The following CEP350 variants were observed in gnomAD, a reference collection of about 807,000 sequenced individuals.
CEP350 encodes the protein centrosome-associated protein 350.
Under a neutral mutation model 331.8 loss-of-function variants are expected in CEP350, and 126 were observed. That is an observed-to-expected ratio of 0.38 (90% CI 0.33 to 0.44). CEP350 has a LOEUF of 0.44. Ranked by LOEUF, CEP350 falls within the 20% of genes least tolerant of loss-of-function variation. The pLI is 1.00. For missense variants in CEP350, 3,406 were observed against 3,634.6 expected (o/e 0.94, Z 1.62); for synonymous variants, 1,200 against 1,259.5 (o/e 0.95, Z 1.00).
intron 14 of CEP350, among the ~76,000 whole-genome samples, chr1:180,028,254 A>C (rs574647569): frequency 1.3e-5 from 2 of 152,340 alleles, no homozygotes; most frequent in East Asian, 3.9e-4. Flanking sequence ...TGTAGTATGA[A>C]GCATTTTCCA....
In CEP350 at chr1:179,975,388, T is replaced by G. The variant is rs904040262; in HGVS notation, c.-13-10781T>G. Among the ~76,000 whole-genome samples the G allele has an allele frequency of 4.6e-5, 7 of 152,158 alleles. 1 individual carries two copies. The South Asian group carries it at 1.5e-3, about 32-fold the overall frequency. The stretch of plus-strand genomic sequence containing the variant: ...ATAAAATCAGAATTGCTAGGTTCTG[T>G]TTTAGAACGATAACTTTGATTGCAG... On this transcript the variant is annotated intron_variant, in intron 1 of 37. Transcript: ENST00000367607.
In CEP350 at chr1:180,034,066, C is replaced by T. The variant is rs1428897179; in HGVS notation, c.3930C>T (p.Asn1310=). 2.0e-5 allele frequency: 33 copies of T among 1,613,640 alleles called. No individual in the cohort carries two copies. Among genetic ancestry groups the T allele is most frequent in the Non-Finnish European group, 2.8e-5 (33 of 1,179,682 alleles). ...CAGCCAGCAGAACAACGACAGAGAA[C>T]ATGGCTCCAATACCAGGTAAGTAGA... The part of the protein sequence containing the change: ...NPAASRTTTE[N]MAPIPGSKRF... The change falls in exon 16 of 38, where the codon AAC becomes AAT. Residue 1310 remains asparagine, a synonymous_variant. Transcript: ENST00000367607.
At position 180,020,902 on chromosome 1, in the gene CEP350, G is replaced by A. The variant is rs779634183; in HGVS notation, c.3128G>A (p.Gly1043Glu). 6.2e-7 allele frequency: 1 copy of A among 1,613,072 alleles called. No individual in the cohort carries two copies. Among genetic ancestry groups the A allele is most frequent in the South Asian group, 1.1e-5 (1 of 91,068 alleles). ...KEAEKFLPLF[G>E]HIGGTQSKGP... ...GCTGAAAAATTCTTGCCACTTTTTG[G>A]GCACATAGGTGGTACACAAAGCAAA... is the stretch of plus-strand genomic sequence containing the variant. The change falls in exon 12 of 38, where the codon GGG (glycine) becomes GAG (glutamate). Residue 1043 changes from glycine (G) to glutamate (E), a missense_variant. Around this residue, in one of 5 missense-constraint regions of CEP350, gnomAD observed 1,857 missense variants for 1,909.2 expected, o/e 0.97. Transcript: ENST00000367607.
Position 180,035,175 on chromosome 1 carries a change from T to G in CEP350, c.3946+1093T>G, listed in dbSNP as rs530196179. On this transcript the variant is annotated intron_variant, in intron 16 of 37. Transcript: ENST00000367607. ...AGCAAGACCCTAATACTCTTCAATTTTGTGAAGCCCTAGAGAGGTGAGGAA... is the reference window on the plus strand; with the variant it reads ...AGCAAGACCCTAATACTCTTCAATTGTGTGAAGCCCTAGAGAGGTGAGGAA... Among the ~76,000 whole-genome samples the G allele has an allele frequency of 4.3e-4, 66 of 152,338 alleles. 1 individual carries two copies. The highest frequency in any genetic ancestry group is 3.7e-3 in the South Asian group (18 of 4,828).
chr1:180,047,944 G>T (rs1222542580), intron 21 of CEP350, among the ~76,000 whole-genome samples: 1 of 151,914 alleles, frequency 6.6e-6, no homozygotes, highest in East Asian at 1.9e-4. Flanking sequence ...ATTTAATTTT[G>T]ACATGATTTC....
chr1:180,056,476 CTT>C (rs1276828783), intron 25 of CEP350, among the ~76,000 whole-genome samples: 24 of 101,692 alleles, frequency 2.4e-4, no homozygotes, highest in African/African-American at 9.2e-4. Flanking sequence ...CCCCCCCCCC[CTT>C]TTTTTTTTTG....
In CEP350 at chr1:179,996,715, ATC is replaced by A. The variant is rs770098443; in HGVS notation, c.560_561del (p.Ser187CysfsTer4). 1 of 1,613,580 alleles carries A rather than the reference ATC, an allele frequency of 6.2e-7. No homozygotes were observed. Among genetic ancestry groups the A allele is most frequent in the African/African-American group, 1.3e-5 (1 of 74,928 alleles). ...GCTGTGATTTTGAGAGCTCCCAATC[ATC>A]TGTCATCAATGATACAGTTGTTAGG... ...RSCDFESSQS[S>X]VINDTVVRFL... On this transcript the variant is annotated frameshift_variant, in exon 6 of 38. Transcript: ENST00000367607. LOFTEE classifies it high-confidence loss of function.
intron 29 of CEP350, 111 bp downstream of exon 29, chr1:180,078,785 T>C (rs1402704288): frequency 1.2e-6 from 1 of 851,132 alleles, no homozygotes; most frequent in Non-Finnish European, 1.8e-6. Flanking sequence ...ACCATACTTG[T>C]AACATATAGG....
intron 5 of CEP350, among the ~76,000 whole-genome samples, chr1:179,992,828 A>G (rs1653190859): frequency 6.6e-6 from 1 of 152,184 alleles, no homozygotes; most frequent in East Asian, 1.9e-4. Context: ...TATTTGAGGG[A>G]CACTTTACTA....
In CEP350 at chr1:180,101,286, ATT is replaced by A. The variant is rs368037580; in HGVS notation, c.9189+2311_9189+2312del. On this transcript the variant is annotated intron_variant, in intron 37 of 37. Coordinates refer to ENST00000367607, the MANE Select transcript of CEP350 (RefSeq NM_014810.5). ...TTTTTGCATGAGCTCGTTCTTCTTAATTTTTTTTTTTAACAAAATGATACTGT... is the reference window on the plus strand; with the variant it reads ...TTTTTGCATGAGCTCGTTCTTCTTAATTTTTTTTTAACAAAATGATACTGT... Among the ~76,000 whole-genome samples, 816 of 148,636 alleles carry A rather than the reference ATT, an allele frequency of 5.5e-3. 12 individuals are homozygous for A. The highest frequency in any genetic ancestry group is 0.019 in the African/African-American group (763 of 40,764).
intron 27 of CEP350, among the ~76,000 whole-genome samples, chr1:180,067,337 T>C (rs1658602532): frequency 1.3e-5 from 2 of 152,130 alleles, no homozygotes; most frequent in Non-Finnish European, 2.9e-5. Context: ...ATTGTGTTTG[T>C]GATAGGAATA....
Position 180,041,782 on chromosome 1 carries a change from G to A in CEP350, c.4342G>A (p.Ala1448Thr), listed in dbSNP as rs983734486. The A allele has an allele frequency of 3.7e-6, 6 of 1,612,332 alleles. No individual in the cohort carries two copies. The highest frequency in any genetic ancestry group is 2.7e-5 in the African/African-American group (2 of 74,996). The change falls in exon 19 of 38, where the codon GCA (alanine) becomes ACA (threonine). Residue 1448 changes from alanine to threonine, a missense_variant. Ala to Thr is a moderately conservative substitution (Grantham distance 58, BLOSUM62 0). Coordinates refer to ENST00000367607, the MANE Select transcript of CEP350 (RefSeq NM_014810.5). ...AGAAACTGCTCGCCTCACCACAGAC[G>A]CAGCACGTCAAATCTGTGAGGTAGG... is the stretch of plus-strand genomic sequence containing the variant. ...QSETARLTTD[A>T]ARQICEMAEL...
Position 180,044,110 on chromosome 1 carries a change from A to G in CEP350, c.4559A>G (p.Gln1520Arg). ...SKEGTLDSKH[Q>R]KYSASYDSYS... ...GAAGGGACCCTTGACTCAAAGCATC[A>G]GAAGTATTCTGCTTCATATGATAGT... Residue 1520 changes from glutamine (Q) to arginine (R), a missense_variant, in exon 21 of 38, where the codon CAG (glutamine) becomes CGG (arginine). Gln to Arg is a conservative substitution (Grantham distance 43). Transcript: ENST00000367607. 2 of 1,563,574 alleles carry G rather than the reference A, an allele frequency of 1.3e-6. No homozygotes were observed.
chr1:180,077,237 T>G (rs1659277071), intron 28 of CEP350, among the ~76,000 whole-genome samples: 1 of 152,038 alleles, frequency 6.6e-6, no homozygotes, highest in Non-Finnish European at 1.5e-5. Context: ...AAAAATTGAT[T>G]AGAAAAATAT....
At chr1:180,096,541 A>G (rs1660489624) in intron 36 of CEP350, among the ~76,000 whole-genome samples, 1 of 152,184 alleles carries the variant, frequency 6.6e-6, no homozygotes, top group Admixed American at 6.5e-5. Flanking sequence ...GGCTTTAGAG[A>G]TAGGTATAAT....
At chr1:180,062,672 G>A (rs191803675) in intron 26 of CEP350, among the ~76,000 whole-genome samples, 15 of 152,304 alleles carry the variant, frequency 9.8e-5, no homozygotes, top group Admixed American at 5.9e-4. Flanking sequence ...AGTCCCAAGC[G>A]GTGATGCAGG....
At position 180,111,990 on chromosome 1, in the gene CEP350, G is replaced by T. The variant is rs1405740405; in HGVS notation, c.*829G>T. 1 of 152,524 alleles carries T rather than the reference G, an allele frequency of 6.6e-6. No individual in the cohort carries two copies. The highest frequency in any genetic ancestry group is 1.5e-5 in the Non-Finnish European group (1 of 68,032). The allele number at this position is 152,524 out of a possible 1,614,324, so 9.4% of individuals were successfully genotyped here. A position where few individuals can be genotyped will look rare whatever the true frequency, so the allele number is the denominator to read the frequency against. ...TACTCAGGACCATCTCAGGCATCCA[G>T]GCATGGCAAAGTGGAAATAATTCAT... On this transcript the variant is annotated 3_prime_UTR_variant, in exon 38 of 38. Transcript: ENST00000367607.
intron 33 of CEP350, among the ~76,000 whole-genome samples, chr1:180,091,608 G>A (rs1026341562): frequency 1.3e-5 from 2 of 152,094 alleles, no homozygotes; most frequent in African/African-American, 2.4e-5. Context: ...AAGTAGGCAG[G>A]TCACTTGAGC....
At chr1:180,103,978 AAAATATATAC>A (rs1412093949) in intron 37 of CEP350, among the ~76,000 whole-genome samples, 1 of 140,250 alleles carries the variant, frequency 7.1e-6, no homozygotes, top group Non-Finnish European at 1.5e-5. Flanking sequence ...TATATATTTT[AAAATATATAC>A]AAATATATAT....
Sources: gnomAD v4.1 joint callset for allele counts (sites outside exome capture counted in the v4.1 genomes callset) on GRCh38, gnomAD v4.1.1 for gene constraint, gnomAD v4.1.1 regional missense constraint, MANE v1.5 for transcripts, NCBI Gene and HGNC (gene_info 2026-07-23, HGNC 2026-07-21) for gene names.